Variants in CNTN6 observed in about 807,000 individuals in gnomAD.
CNTN6 encodes the protein contactin-6.
Under a neutral mutation model 122.8 loss-of-function variants are expected in CNTN6, and 137 were observed. The ratio of observed to expected loss-of-function variants is 1.12; its 90% confidence interval spans 0.97 to 1.29. CNTN6 has a LOEUF of 1.29. Ranked by LOEUF, CNTN6 falls within the 50% of genes most tolerant of loss-of-function variation. The pLI is 0.00. For missense variants in CNTN6, 1,634 were observed against 1,223.4 expected, an observed-to-expected ratio of 1.34 and a Z score of -5.01; for synonymous variants, 570 against 426.0, an observed-to-expected ratio of 1.34 and a Z score of -4.16.
intron 4 of CNTN6, among the ~76,000 whole-genome samples, chr3:1,230,973 C>A (rs1012461115): frequency 1.3e-4 from 20 of 152,308 alleles, no homozygotes; most frequent in African/African-American, 4.8e-4. Flanking sequence ...TGCCAACCCC[C>A]AGCTATGAAT....
At chr3:1,173,442 A>T in intron 2 of CNTN6, 1 of 364,828 alleles carries the variant, frequency 2.7e-6, no homozygotes, top group South Asian at 2.1e-5. Context: ...TCTAAAGGAC[A>T]GGAAGTATTA....
rs555016585 is a variant in CNTN6 at position 1,243,019 on chromosome 3, G to A, written c.358+15026G>A. Reference sequence around the variant, plus strand: ...CCACTGTGAGAGTTACCCAAAGCTCGGCGTCCGTGATGGTCTACGGGGCTT... The same window carrying A: ...CCACTGTGAGAGTTACCCAAAGCTCAGCGTCCGTGATGGTCTACGGGGCTT... On this transcript the variant is annotated intron_variant, in intron 4 of 22. Coordinates refer to ENST00000446702, the MANE Select transcript of CNTN6 (RefSeq NM_001289080.2). 7.2e-5 allele frequency among the ~76,000 whole-genome samples: 11 copies of A among 152,146 alleles called. No individual in the cohort carries two copies. In the South Asian group the frequency reaches 1.9e-3, roughly 26 times the overall value.
chr3:1,230,764 A>G (rs1052392059), intron 4 of CNTN6, among the ~76,000 whole-genome samples: 1 of 152,098 alleles, frequency 6.6e-6, no homozygotes, highest in African/African-American at 2.4e-5. Context: ...AGACTCTAAA[A>G]CTCATGCACT....
At chr3:1,150,276 T>C (rs2092811588) in intron 2 of CNTN6, among the ~76,000 whole-genome samples, 1 of 152,224 alleles carries the variant, frequency 6.6e-6, no homozygotes. Flanking sequence ...TGATAATATC[T>C]TGTTTTTCCA....
Position 1,383,083 on chromosome 3 carries a change from C to T in CNTN6, c.2308C>T (p.Pro770Ser), listed in dbSNP as rs1377380435. Reference sequence around the variant, plus strand: ...TGTCTACAGAAATGAAAGCATCATCCCACTGTCTCCCTTTGAAGTCAAAGT... The same window carrying T: ...TGTCTACAGAAATGAAAGCATCATCTCACTGTCTCCCTTTGAAGTCAAAGT... Reference protein sequence around the residue: ...RFVYRNESIIPLSPFEVKVGV... With the variant: ...RFVYRNESIISLSPFEVKVGV... Residue 770 changes from proline to serine, a missense_variant, in exon 18 of 23, where the codon CCA becomes TCA. Transcript: ENST00000446702. The T allele has an allele frequency of 1.9e-6, 3 of 1,613,966 alleles. No homozygotes were observed. The highest frequency in any genetic ancestry group is 1.7e-5 in the Admixed American group (1 of 59,970).
At chr3:1,098,789 C>CACACATATATAT (rs1211008614) in intron 1 of CNTN6, among the ~76,000 whole-genome samples, 18 of 63,258 alleles carry the variant, frequency 2.8e-4, no homozygotes, top group Non-Finnish European at 4.4e-4. Context: ...CACACACACA[C>CACACATATATAT]ATATATATAT....
At chr3:1,258,827 G>A (rs528649141) in intron 4 of CNTN6, among the ~76,000 whole-genome samples, 2 of 152,176 alleles carry the variant, frequency 1.3e-5, no homozygotes, top group South Asian at 4.1e-4. Context: ...CTTTGTAGCT[G>A]TGTCATAGAT....
At chr3:1,334,335 A>T (rs919790062) in intron 11 of CNTN6, among the ~76,000 whole-genome samples, 9 of 151,776 alleles carry the variant, frequency 5.9e-5, no homozygotes, top group Non-Finnish European at 1.2e-4. Flanking sequence ...TATCACTGAT[A>T]AGTGGCGTGA....
intron 11 of CNTN6, among the ~76,000 whole-genome samples, chr3:1,342,169 A>T (rs545310727): frequency 1.6e-4 from 25 of 152,070 alleles, no homozygotes; most frequent in African/African-American, 5.5e-4. Flanking sequence ...TCCCTCTTTC[A>T]CCCAGGCTTG....
chr3:1,229,783 C>G (rs1346491959), intron 4 of CNTN6, among the ~76,000 whole-genome samples: 1 of 152,090 alleles, frequency 6.6e-6, no homozygotes, highest in African/African-American at 2.4e-5. Flanking sequence ...TATTGACTTT[C>G]CCATCTTATC....
At chr3:1,193,892 A>G (rs1424341303) in intron 2 of CNTN6, among the ~76,000 whole-genome samples, 1 of 152,164 alleles carries the variant, frequency 6.6e-6, no homozygotes, top group Admixed American at 6.5e-5. Flanking sequence ...TAAGAATTGT[A>G]TATACCATGA....
chr3:1,240,880 G>T (rs1004818665), intron 4 of CNTN6, among the ~76,000 whole-genome samples: 2 of 152,086 alleles, frequency 1.3e-5, no homozygotes, highest in Non-Finnish European at 2.9e-5. Context: ...AGTGAAGGGA[G>T]ATAGGGGTGG....
At chr3:1,148,444 T>A (rs1206093919) in intron 2 of CNTN6, among the ~76,000 whole-genome samples, 4 of 146,672 alleles carry the variant, frequency 2.7e-5, no homozygotes, top group Admixed American at 6.7e-5. Flanking sequence ...CTTTAAAAAA[T>A]TAAAATTAAA....
At chr3:1,385,847 C>G (rs1692817584) in intron 20 of CNTN6, 50 bp downstream of exon 20, 6 of 1,459,428 alleles carry the variant, frequency 4.1e-6, no homozygotes, top group Non-Finnish European at 5.5e-6. Context: ...GAAGAGCAAC[C>G]TATTCCTTTG....
chr3:1,278,321 C>G, intron 4 of CNTN6, 92 bp from the exon 5 acceptor site: 1 of 861,412 alleles, frequency 1.2e-6, no homozygotes, highest in Non-Finnish European at 1.8e-6. Context: ...GATTAATTCC[C>G]CTTAATAATA....
chr3:1,219,040 T>A (rs1575286657), intron 2 of CNTN6, among the ~76,000 whole-genome samples: 1 of 152,238 alleles, frequency 6.6e-6, no homozygotes, highest in African/African-American at 2.4e-5. Context: ...AAATGTATTA[T>A]AACTCATTTA....
intron 1 of CNTN6, among the ~76,000 whole-genome samples, chr3:1,094,182 A>G (rs1327987903): frequency 6.6e-6 from 1 of 152,186 alleles, no homozygotes; most frequent in African/African-American, 2.4e-5. Flanking sequence ...TGGGTTTATC[A>G]TCTTTTTATT....
intron 11 of CNTN6, among the ~76,000 whole-genome samples, chr3:1,333,114 C>A (rs1575742133): frequency 6.6e-6 from 1 of 151,652 alleles, no homozygotes; most frequent in Non-Finnish European, 1.5e-5. Flanking sequence ...TAGATGGGTA[C>A]CTAGGAATTG....
At chr3:1,340,172 C>A (rs1036871148) in intron 11 of CNTN6, among the ~76,000 whole-genome samples, 1 of 152,004 alleles carries the variant, frequency 6.6e-6, no homozygotes, top group African/African-American at 2.4e-5. Context: ...TGACTCAAAG[C>A]CTTGTATAAT....
Sources: gnomAD v4.1 joint callset for allele counts (sites outside exome capture counted in the v4.1 genomes callset) on GRCh38, gnomAD v4.1.1 for gene constraint, MANE v1.5 for transcripts, NCBI Gene and HGNC (gene_info 2026-07-23, HGNC 2026-07-21) for gene names.